The following GALNT13 variants were observed in gnomAD, a reference collection of about 807,000 sequenced individuals.
GALNT13 encodes polypeptide N-acetylgalactosaminyltransferase 13, also known as UDP-GalNAc:polypeptide N-acetylgalactosaminyltransferase 13.
GALNT13 carries 28 observed loss-of-function variants against 64.2 expected under a neutral mutation model. The observed-to-expected ratio is 0.44, with a 90% CI of 0.32 to 0.60. The LOEUF is 0.60. GALNT13 is among the 20% of genes least tolerant of loss of function. The pLI, the probability that GALNT13 is intolerant of heterozygous loss-of-function variation, is 0.05. For synonymous variants in GALNT13, 214 were observed against 224.6 expected (o/e 0.95, Z 0.42); for missense variants, 577 against 669.8 (o/e 0.86, Z 1.53).
chr2:154,313,528 C>G (rs1694167662), intron 9 of GALNT13, among the ~76,000 whole-genome samples: 1 of 149,526 alleles, frequency 6.7e-6, no homozygotes, highest in African/African-American at 2.5e-5. Context: ...GATCTCGGCT[C>G]ACTACAACCT....
chr2:154,334,647 TTTG>T (rs1695343829), intron 9 of GALNT13, among the ~76,000 whole-genome samples: 2 of 152,024 alleles, frequency 1.3e-5, no homozygotes. Flanking sequence ...ATCACTACAG[TTTG>T]TTGTTTCTAA....
the GALNT13 span, among the ~76,000 whole-genome samples, chr2:153,758,140 G>T: frequency 6.6e-6 from 1 of 151,972 alleles, no homozygotes; most frequent in Non-Finnish European, 1.5e-5. Flanking sequence ...TTTTAACCCA[G>T]TTTGAGTCGC....
At chr2:153,797,721 A>G in the GALNT13 span, among the ~76,000 whole-genome samples, 3 of 152,198 alleles carry the variant, frequency 2.0e-5, no homozygotes, top group African/African-American at 7.2e-5. Context: ...TTTAGACAAG[A>G]AGCTTTGAAG....
chr2:153,942,703 A>G (rs1691421794), intron 2 of GALNT13, among the ~76,000 whole-genome samples: 1 of 152,104 alleles, frequency 6.6e-6, no homozygotes, highest in South Asian at 2.1e-4. Flanking sequence ...ATATATATAT[A>G]TACACATTCT....
chr2:154,319,516 T>C (rs1032732304), intron 9 of GALNT13, among the ~76,000 whole-genome samples: 6 of 151,848 alleles, frequency 4.0e-5, no homozygotes, highest in Non-Finnish European at 8.8e-5. Flanking sequence ...ACATAAAAAA[T>C]TAGCTGGGCA....
chr2:154,245,285 A>G (rs1439545623), intron 6 of GALNT13, among the ~76,000 whole-genome samples: 2 of 152,136 alleles, frequency 1.3e-5, no homozygotes, highest in African/African-American at 2.4e-5. Context: ...ATTTACTTAT[A>G]CTGACGGATT....
At chr2:153,301,911 G>GTGTGTA in the GALNT13 span, among the ~76,000 whole-genome samples, 4 of 147,404 alleles carry the variant, frequency 2.7e-5, no homozygotes, top group African/African-American at 9.8e-5. Flanking sequence ...GTGTGTGTGT[G>GTGTGTA]TATAGTATAT....
chr2:154,353,224 C>G (rs17811447), intron 9 of GALNT13, among the ~76,000 whole-genome samples: 30,217 of 152,006 alleles, frequency 0.2, 3,430 homozygotes, highest in Middle Eastern at 0.36. Flanking sequence ...TAGAATCTCT[C>G]TATATTCATG....
the GALNT13 span, among the ~76,000 whole-genome samples, chr2:153,650,584 T>A: frequency 6.6e-6 from 1 of 152,182 alleles, no homozygotes; most frequent in Non-Finnish European, 1.5e-5. Context: ...ATTTGGCATG[T>A]TTTTGCAGTG....
chr2:154,227,075 C>T (rs1195329020), intron 4 of GALNT13, among the ~76,000 whole-genome samples: 49 of 152,044 alleles, frequency 3.2e-4, no homozygotes, highest in Admixed American at 3.2e-3. Flanking sequence ...GTTCCTCTGG[C>T]AACAGAACAT....
the GALNT13 span, among the ~76,000 whole-genome samples, chr2:153,073,523 C>G: frequency 1.3e-5 from 2 of 151,642 alleles, no homozygotes; most frequent in African/African-American, 4.8e-5. Flanking sequence ...ACTCTCCCAC[C>G]AAGATTCAAT....
the GALNT13 span, among the ~76,000 whole-genome samples, chr2:153,380,004 A>G: frequency 6.6e-6 from 1 of 152,244 alleles, no homozygotes; most frequent in South Asian, 2.1e-4. Context: ...AGAGGAAGCA[A>G]TATTTCAATT....
chr2:153,459,458 A>G, the GALNT13 span, among the ~76,000 whole-genome samples: 2 of 152,134 alleles, frequency 1.3e-5, no homozygotes, highest in Non-Finnish European at 2.9e-5. Context: ...CAACAACAAT[A>G]CAAAAAAAAC....
At chr2:153,431,299 T>C in the GALNT13 span, among the ~76,000 whole-genome samples, 1 of 152,150 alleles carries the variant, frequency 6.6e-6, no homozygotes, top group Non-Finnish European at 1.5e-5. Context: ...CTTTCCAGAT[T>C]TTTTCTGCTG....
At chr2:153,659,404 C>A in the GALNT13 span, among the ~76,000 whole-genome samples, 1 of 152,172 alleles carries the variant, frequency 6.6e-6, no homozygotes, top group East Asian at 1.9e-4. Flanking sequence ...CTACAGATAA[C>A]ACAAAAATGA....
chr2:153,127,766 G>A, the GALNT13 span, among the ~76,000 whole-genome samples: 2 of 151,980 alleles, frequency 1.3e-5, no homozygotes, highest in Non-Finnish European at 2.9e-5. Flanking sequence ...TTTATATTAT[G>A]GCAAACTTTT....
chr2:153,630,449 G>A, the GALNT13 span, among the ~76,000 whole-genome samples: 1 of 126,992 alleles, frequency 7.9e-6, no homozygotes, highest in Non-Finnish European at 1.6e-5. Context: ...ATTGAACAAT[G>A]AGAACACATG....
At chr2:153,934,484 A>G (rs1318542445) in intron 2 of GALNT13, among the ~76,000 whole-genome samples, 1 of 152,214 alleles carries the variant, frequency 6.6e-6, no homozygotes, top group Non-Finnish European at 1.5e-5. Flanking sequence ...TTTGGGCAGA[A>G]TGGACTTCTG....
At chr2:153,082,507 A>G in the GALNT13 span, among the ~76,000 whole-genome samples, 261 of 143,426 alleles carry the variant, frequency 1.8e-3, 1 homozygote, top group African/African-American at 6.4e-3. Flanking sequence ...GGTGAGTAGT[A>G]TTCCACGGTG....
Sources: allele counts gnomAD v4.1 joint callset (sites outside exome capture counted in the v4.1 genomes callset), GRCh38; gene constraint gnomAD v4.1.1; transcripts MANE v1.5; gene names NCBI Gene and HGNC (gene_info 2026-07-23, HGNC 2026-07-21).